Variants in SLC26A4 observed in about 807,000 individuals in gnomAD.
The protein encoded by SLC26A4 is pendrin.
A neutral mutation model predicts 90.4 loss-of-function variants in SLC26A4; 93 were observed. The observed-to-expected ratio is 1.03, with a 90% CI of 0.87 to 1.22. SLC26A4 has a LOEUF of 1.22. Ranked by LOEUF, SLC26A4 falls within the 50% of genes most tolerant of loss-of-function variation. The probability of loss-of-function intolerance (pLI) is 0.00; values close to 1 mark genes in which losing one functional copy is unlikely to be tolerated. For synonymous variants in SLC26A4, 393 were observed against 354.6 expected (o/e 1.11, Z -1.22); for missense variants, 1,127 against 946.2 (o/e 1.19, Z -2.51).
chr7:107,671,454 C>A (rs912020543), intron 3 of SLC26A4, among the ~76,000 whole-genome samples: 1 of 152,186 alleles, frequency 6.6e-6, no homozygotes, highest in Admixed American at 6.5e-5. Flanking sequence ...GGACACCAGG[C>A]CTGACCAAGT....
In SLC26A4 at chr7:107,685,008, C is replaced by A. The variant is rs114503863; in HGVS notation, c.1001+1471C>A. On this transcript the variant is annotated intron_variant, in intron 8 of 20. Transcript: ENST00000644269. Reference sequence around the variant, plus strand: ...CTGCAGAGCTTTCCTGTGCTCTCCTCCTGAGAACAGATTTCTAGCCTCTCG... The same window carrying A: ...CTGCAGAGCTTTCCTGTGCTCTCCTACTGAGAACAGATTTCTAGCCTCTCG... 5.3e-3 allele frequency among the ~76,000 whole-genome samples: 800 copies of A among 152,236 alleles called. 7 individuals carry two copies. Among genetic ancestry groups the A allele is most frequent in the African/African-American group, 0.019 (777 of 41,536 alleles).
At chr7:107,676,894 C>A (rs1369748538) in intron 6 of SLC26A4, among the ~76,000 whole-genome samples, 1 of 152,112 alleles carries the variant, frequency 6.6e-6, no homozygotes, top group Non-Finnish European at 1.5e-5. Context: ...GATCATGAGG[C>A]CAGGTGTGGT....
chr7:107,703,517 G>T (rs1017370634), intron 17 of SLC26A4, among the ~76,000 whole-genome samples: 1 of 152,158 alleles, frequency 6.6e-6, no homozygotes, highest in African/African-American at 2.4e-5. Context: ...AATCACTCTT[G>T]TTCTTTGTTG....
intron 10 of SLC26A4, among the ~76,000 whole-genome samples, chr7:107,691,487 A>C (rs1791572814): frequency 6.8e-6 from 1 of 146,280 alleles, no homozygotes; most frequent in Non-Finnish European, 1.5e-5. Context: ...GGGCGACAAG[A>C]GCTAGACTCT....
rs759467038 is a variant in SLC26A4 at position 107,683,276 on chromosome 7, C to T, written c.840C>T (p.Val280=). Residue 280 remains valine, a synonymous_variant, in exon 7 of 21, where the codon GTC becomes GTT. Transcript: ENST00000644269. ...TCACTGCTGGATTGCTCACCATTGT[C>T]GTCTGTATGGCAGTTAAGGAATTAA... ...ADFTAGLLTI[V]VCMAVKELND... is the part of the protein sequence containing the mutation. 2.2e-5 allele frequency: 35 copies of T among 1,612,964 alleles called. No homozygotes were observed. The highest frequency in any genetic ancestry group is 9.9e-5 in the South Asian group (9 of 91,040).
At chr7:107,686,425 C>CTTTA (rs1174542379) in intron 8 of SLC26A4, among the ~76,000 whole-genome samples, 2 of 82,756 alleles carry the variant, frequency 2.4e-5, no homozygotes, top group Non-Finnish European at 4.5e-5. Flanking sequence ...TTCTTTCTTT[C>CTTTA]TTTCTTTCTT....
intron 2 of SLC26A4, among the ~76,000 whole-genome samples, chr7:107,663,074 G>A (rs569359776): frequency 1.6e-4 from 25 of 152,172 alleles, no homozygotes; most frequent in Non-Finnish European, 3.2e-4. Context: ...CGAGGGGTGG[G>A]ACACTTAATC....
intron 8 of SLC26A4, 37 bp downstream of exon 8, chr7:107,683,574 G>A: frequency 6.8e-7 from 1 of 1,470,306 alleles, no homozygotes; most frequent in Non-Finnish European, 9.5e-7. Context: ...AATACATTAA[G>A]TCAGTAAGTC....
At chr7:107,687,956 T>C (rs185143284) in intron 8 of SLC26A4, among the ~76,000 whole-genome samples, 22 of 152,210 alleles carry the variant, frequency 1.4e-4, no homozygotes, top group African/African-American at 5.1e-4. Flanking sequence ...TAGGATGGGA[T>C]ATAAGGAGAA....
intron 8 of SLC26A4, among the ~76,000 whole-genome samples, chr7:107,688,292 T>C (rs1791473412): frequency 6.6e-6 from 1 of 152,228 alleles, no homozygotes; most frequent in African/African-American, 2.4e-5. Flanking sequence ...GCATAAGTGA[T>C]GTAGGTCGGG....
chr7:107,695,651 G>A (rs1057329573), intron 12 of SLC26A4, among the ~76,000 whole-genome samples: 12 of 151,984 alleles, frequency 7.9e-5, no homozygotes, highest in Non-Finnish European at 1.5e-4. Context: ...ACAAATAAAA[G>A]ATTAAAAATT....
intron 6 of SLC26A4, among the ~76,000 whole-genome samples, chr7:107,676,326 T>C (rs978727742): frequency 1.3e-5 from 2 of 152,254 alleles, no homozygotes; most frequent in South Asian, 4.1e-4. Flanking sequence ...CATCTTTTCT[T>C]TTTTATTGGT....
intron 17 of SLC26A4, among the ~76,000 whole-genome samples, chr7:107,702,585 A>C (rs918688514): frequency 1.3e-5 from 2 of 148,884 alleles, no homozygotes; most frequent in Non-Finnish European, 3.0e-5. Context: ...AGCTCCTAGG[A>C]GGCTGTGGCA....
intron 17 of SLC26A4, among the ~76,000 whole-genome samples, chr7:107,702,332 T>C (rs1562839807): frequency 6.6e-6 from 1 of 152,200 alleles, no homozygotes. Context: ...GAGGTAATGA[T>C]GGTATCTACC....
At chr7:107,710,269 A>G (rs1792146920) in intron 19 of SLC26A4, 70 bp downstream of exon 19, 2 of 1,141,172 alleles carry the variant, frequency 1.8e-6, no homozygotes, top group African/African-American at 1.5e-5. Flanking sequence ...GGCAAACATT[A>G]CACAAGTCTA....
At chr7:107,708,702 TA>T (rs112605667) in intron 18 of SLC26A4, among the ~76,000 whole-genome samples, 3,725 of 144,154 alleles carry the variant, frequency 0.026, 149 homozygotes, top group African/African-American at 0.09. Context: ...ATTTTTTTTT[TA>T]AAAAACAAAA....
chr7:107,663,850 AT>A (rs1464608540), intron 3 of SLC26A4, among the ~76,000 whole-genome samples: 2 of 151,976 alleles, frequency 1.3e-5, no homozygotes, highest in Non-Finnish European at 2.9e-5. Flanking sequence ...CGCCCGGCTA[AT>A]TTTTTGTATT....
intron 3 of SLC26A4, among the ~76,000 whole-genome samples, chr7:107,667,109 G>A (rs1028443954): frequency 6.6e-5 from 10 of 152,134 alleles, no homozygotes; most frequent in African/African-American, 2.4e-4. Context: ...GTTTGGGATA[G>A]GAAATCAAGT....
At chr7:107,662,272 G>A (rs917864033) in intron 2 of SLC26A4, 3 of 161,508 alleles carry the variant, frequency 1.9e-5, no homozygotes, top group Non-Finnish European at 2.7e-5. Context: ...GGGAGCGCGG[G>A]GTGTGCCAAG....
Sources: allele counts gnomAD v4.1 joint callset (sites outside exome capture counted in the v4.1 genomes callset), GRCh38; gene constraint gnomAD v4.1.1; transcripts MANE v1.5; gene names NCBI Gene and HGNC (gene_info 2026-07-23, HGNC 2026-07-21).